PTPRS: variants seen among roughly 807,000 people sequenced by gnomAD.
PTPRS encodes the protein receptor-type tyrosine-protein phosphatase S.
Under a neutral mutation model 215.3 loss-of-function variants are expected in PTPRS, and 63 were observed. The observed-to-expected ratio is 0.29, with a 90% CI of 0.24 to 0.36. The LOEUF is 0.36. PTPRS is among the 10% of genes least tolerant of loss of function. The pLI is 1.00. For missense variants in PTPRS, 2,258 were observed against 2,825.8 expected (o/e 0.80, Z 4.56); for synonymous variants, 1,404 against 1,191.4 (o/e 1.18, Z -3.68).
chr19:5,217,981 A>G (rs2041636752), intron 25 of PTPRS, among the ~76,000 whole-genome samples: 2 of 152,094 alleles, frequency 1.3e-5, no homozygotes, highest in Admixed American at 1.3e-4. Flanking sequence ...GGCAGGTATA[A>G]TTTCTGTACC....
At chr19:5,239,090 G>C (rs761039209) in intron 12 of PTPRS, 27 bp from the exon 13 acceptor site, 1 of 1,588,912 alleles carries the variant, frequency 6.3e-7, no homozygotes, top group Non-Finnish European at 8.6e-7. Flanking sequence ...GAAGGACAGA[G>C]AGGGATGGGG....
At chr19:5,219,849 G>A in intron 22 of PTPRS, 90 bp downstream of exon 22, 1 of 1,411,474 alleles carries the variant, frequency 7.1e-7, no homozygotes, top group East Asian at 2.3e-5. Context: ...AGCTGCCTGT[G>A]ACTGACCACA....
At chr19:5,245,155 T>C (rs1233643771) in intron 10 of PTPRS, among the ~76,000 whole-genome samples, 1 of 150,032 alleles carries the variant, frequency 6.7e-6, no homozygotes, top group African/African-American at 2.5e-5. Flanking sequence ...AATTTTTTTT[T>C]TTTTTTGTAT....
In PTPRS at chr19:5,293,331, G is replaced by C. The variant is rs1483363036; in HGVS notation, c.-94-7097C>G. The C allele has an allele frequency of 6.6e-6, 1 of 151,202 alleles. No individual in the cohort carries two copies. The highest frequency in any genetic ancestry group is 1.5e-5 in the Non-Finnish European group (1 of 67,602). The allele number at this position is 151,202 out of a possible 1,614,324, so 9.4% of individuals were successfully genotyped here. On this transcript the variant is annotated intron_variant, in intron 1 of 37. Transcript: ENST00000262963. This position sits in a 1 kb window ranked among gnomAD's most constrained non-coding sequence, Gnocchi z 8.4. ...TAGGGGGCGGGGTTGCAGTGGGCGG[G>C]GCTGCAGGGGACGGGCCCCGAGGAG...
intron 1 of PTPRS, among the ~76,000 whole-genome samples, chr19:5,290,143 G>A (rs993648231): frequency 6.6e-6 from 1 of 152,228 alleles, no homozygotes; most frequent in African/African-American, 2.4e-5. Flanking sequence ...GGGGCTCAGG[G>A]AGGGTCTCTG....
rs2040358130 is a variant in PTPRS, at chr19:5,206,250, T to TC, written c.*523_*524insG. 1 of 212,094 alleles carries TC rather than the reference T, an allele frequency of 4.7e-6. No individual in the cohort carries two copies. The highest frequency in any genetic ancestry group is 9.4e-6 in the Non-Finnish European group (1 of 106,858). 13.1% of individuals were successfully genotyped at this position (212,094 alleles called of 1,614,324 possible). A position where few individuals can be genotyped will look rare whatever the true frequency, so the allele number is the denominator to read the frequency against. On this transcript the variant is annotated 3_prime_UTR_variant, in exon 38 of 38. Transcript: ENST00000262963. ...TGGCGAGTCTTTTGTTTGTTTCTCT[T>TC]AAAAAAAAAAATGGAAAAAAAAATA...
rs965393954 is a variant in PTPRS at position 5,206,612 on chromosome 19, G to T, written c.*162C>A. The T allele has an allele frequency of 1.7e-5, 10 of 590,102 alleles. No individual in the cohort carries two copies. The highest frequency in any genetic ancestry group is 9.6e-5 in the African/African-American group (5 of 52,124). 36.6% of individuals were successfully genotyped at this position (590,102 alleles called of 1,614,324 possible). On this transcript the variant is annotated 3_prime_UTR_variant, in exon 38 of 38. Coordinates refer to ENST00000262963, the MANE Select transcript of PTPRS (RefSeq NM_002850.4). ...CTGGGGCGGCCGGGGCCGGTGGGGG[G>T]GCTCGAGGGGCTGCGTCGTCCTCGG...
chr19:5,304,183 T>C (rs575900115), intron 1 of PTPRS, among the ~76,000 whole-genome samples: 2 of 152,132 alleles, frequency 1.3e-5, no homozygotes, highest in African/African-American at 4.8e-5. Context: ...GGCCAGGTCT[T>C]GGCCAGGCGT....
chr19:5,257,691 C>A lies in PTPRS; in HGVS notation c.706+326G>T, dbSNP rs1325563891. On this transcript the variant is annotated intron_variant, in intron 8 of 37. Coordinates refer to ENST00000262963, the MANE Select transcript of PTPRS (RefSeq NM_002850.4). This position sits in a 1 kb window ranked among gnomAD's most constrained non-coding sequence, Gnocchi z 4.4. ...GGGCGGGGCAGAGGCCTGCAGGCTCCCCTGGCCCTGTAGGCCCAAGACTGA... is the reference window on the plus strand; with the variant it reads ...GGGCGGGGCAGAGGCCTGCAGGCTCACCTGGCCCTGTAGGCCCAAGACTGA... Among the ~76,000 whole-genome samples, 2 of 152,160 alleles carry A rather than the reference C, an allele frequency of 1.3e-5. No individual in the cohort carries two copies. The highest frequency in any genetic ancestry group is 2.9e-5 in the Non-Finnish European group (2 of 68,016).
chr19:5,277,989 G>C, intron 2 of PTPRS: 1 of 1,396,442 alleles, frequency 7.2e-7, no homozygotes, highest in South Asian at 1.2e-5. Context: ...CAAGGAGCTG[G>C]AAGTGCTGAT....
intron 9 of PTPRS, among the ~76,000 whole-genome samples, chr19:5,249,344 A>AAACG (rs1394526379): frequency 6.6e-6 from 1 of 152,088 alleles, no homozygotes; most frequent in African/African-American, 2.4e-5. Context: ...ACAAACAAAC[A>AAACG]AACGAAATGG....
rs1401581428 is a variant in PTPRS, at chr19:5,295,429, C to T, written c.-94-9195G>A. On this transcript the variant is annotated intron_variant, in intron 1 of 37. Coordinates refer to ENST00000262963, the MANE Select transcript of PTPRS (RefSeq NM_002850.4). This position sits in a 1 kb window ranked among gnomAD's most constrained non-coding sequence, Gnocchi z 4.6. The stretch of plus-strand genomic sequence containing the variant: ...TGGTGACTGCAGTTGGCAGGGGACA[C>T]AGCCACCCCCGAGGGGCTGGGGGAG... 6.6e-6 allele frequency among the ~76,000 whole-genome samples: 1 copy of T among 152,194 alleles called. No individual in the cohort carries two copies. Among genetic ancestry groups the T allele is most frequent in the African/African-American group, 2.4e-5 (1 of 41,464 alleles).
rs758784215 is a variant in PTPRS at position 5,238,956 on chromosome 19, G to A, written c.1812C>T (p.Ala604=). 5 of 1,611,490 alleles carry A rather than the reference G, an allele frequency of 3.1e-6. No homozygotes were observed. The highest frequency in any genetic ancestry group is 4.2e-6 in the Non-Finnish European group (5 of 1,178,996). Residue 604 remains alanine, a synonymous_variant, in exon 13 of 38, where the codon GCC becomes GCT. Coordinates refer to ENST00000262963, the MANE Select transcript of PTPRS (RefSeq NM_002850.4). ...LAARSPQGLG[A]FTPVVRQRTL... Reference sequence around the variant, plus strand: ...TGCGCTGCCGCACCACGGGGGTGAAGGCGCCCAGGCCCTGCGGCGAGCGGG... The same window carrying A: ...TGCGCTGCCGCACCACGGGGGTGAAAGCGCCCAGGCCCTGCGGCGAGCGGG...
chr19:5,223,149 C>G lies in PTPRS; in HGVS notation c.2643G>C (p.Leu881=). The G allele has an allele frequency of 1.9e-6, 3 of 1,570,986 alleles. No homozygotes were observed. The highest frequency in any genetic ancestry group is 2.6e-6 in the Non-Finnish European group (3 of 1,158,256). ...AGCGGTCCTCGGAGGGCGGGAACTC[C>G]AGGGTGGCCAGGGGCGTCGAGTCCT... is the stretch of plus-strand genomic sequence containing the variant. The part of the protein sequence containing the change: ...GREDSTPLAT[L]EFPPSEDRYT... The change falls in exon 18 of 38, where the codon CTG becomes CTC. Residue 881 remains leucine, a synonymous_variant. Transcript: ENST00000262963.
At chr19:5,270,082 G>A (rs2046778159) in intron 4 of PTPRS, among the ~76,000 whole-genome samples, 1 of 152,066 alleles carries the variant, frequency 6.6e-6, no homozygotes, top group South Asian at 2.1e-4. Flanking sequence ...AGGTTGTTCT[G>A]TCCCAGCCTG....
chr19:5,256,074 G>T lies in PTPRS; in HGVS notation c.718+34C>A, dbSNP rs925377495. On this transcript the variant is annotated intron_variant, in intron 9 of 37. Coordinates refer to ENST00000262963, the MANE Select transcript of PTPRS (RefSeq NM_002850.4). ...TCATTTTCAGAATGTAAAAATGTGG[G>T]TAAAGAAAGTAAAAAAGAAAAAAAC... 2.8e-5 allele frequency: 42 copies of T among 1,499,900 alleles called. No homozygotes were observed. The Admixed American group carries it at 7.4e-4, about 26-fold the overall frequency. 92.9% of individuals were successfully genotyped at this position (1,499,900 alleles called of 1,614,324 possible).
intron 9 of PTPRS, among the ~76,000 whole-genome samples, chr19:5,250,046 T>C (rs1380029983): frequency 1.3e-5 from 2 of 152,214 alleles, no homozygotes; most frequent in African/African-American, 4.8e-5. Context: ...ATCAGTTTAA[T>C]GTGGGAGGGC....
At chr19:5,317,576 C>A (rs1215597712) in intron 1 of PTPRS, among the ~76,000 whole-genome samples, 2 of 152,204 alleles carry the variant, frequency 1.3e-5, no homozygotes, top group Non-Finnish European at 2.9e-5. Flanking sequence ...GGATTTGAAT[C>A]CAGGACTAAC....
rs2050578713 is a variant in PTPRS at position 5,338,458 on chromosome 19, G to A, written c.-95+2206C>T. ...CCCGGAGGGAAATAATGAAGACTCC[G>A]CCAGCCTGCCAGCCAGAAAGAGATG... On this transcript the variant is annotated intron_variant, in intron 1 of 37. Coordinates refer to ENST00000262963, the MANE Select transcript of PTPRS (RefSeq NM_002850.4). This position sits in a 1 kb window ranked among gnomAD's most constrained non-coding sequence, Gnocchi z 4.2. Among the ~76,000 whole-genome samples the A allele has an allele frequency of 6.6e-6, 1 of 152,082 alleles. No individual in the cohort carries two copies. Among genetic ancestry groups the A allele is most frequent in the Non-Finnish European group, 1.5e-5 (1 of 68,010 alleles).
Sources: allele counts gnomAD v4.1 joint callset (sites outside exome capture counted in the v4.1 genomes callset), GRCh38; gene constraint gnomAD v4.1.1; non-coding constraint Gnocchi (gnomAD v3.1); transcripts MANE v1.5; gene names NCBI Gene and HGNC (gene_info 2026-07-23, HGNC 2026-07-21).